The following SHB variants were observed in gnomAD, a reference collection of about 807,000 sequenced individuals.
The protein encoded by SHB is SH2 domain containing adaptor protein B.
In SHB, 20 loss-of-function variants were observed where a neutral mutation model predicts 52.3. That is an observed-to-expected ratio of 0.38 (90% CI 0.27 to 0.56). The LOEUF (loss-of-function observed/expected upper bound fraction) is 0.56, where lower values mean the gene tolerates loss of function less well. Ranked by LOEUF, SHB falls within the 20% of genes least tolerant of loss-of-function variation. SHB has a pLI of 0.71. For synonymous variants in SHB, 397 were observed against 316.5 expected (o/e 1.25, Z -2.70); for missense variants, 825 against 723.3 (o/e 1.14, Z -1.61).
intron 3 of SHB, among the ~76,000 whole-genome samples, chr9:37,959,647 G>A (rs1224404882): frequency 6.6e-6 from 1 of 152,200 alleles, no homozygotes; most frequent in Non-Finnish European, 1.5e-5. Context: ...GAACATGATT[G>A]TGGAGGGAGC....
intron 2 of SHB, among the ~76,000 whole-genome samples, chr9:38,000,650 C>T (rs16934708): frequency 0.43 from 64,691 of 152,194 alleles, 14,113 homozygotes; most frequent in Middle Eastern, 0.5. Context: ...TTGGGAAATG[C>T]AGTGTGATTT....
At chr9:38,028,418 C>G (rs1254271270) in intron 1 of SHB, among the ~76,000 whole-genome samples, 2 of 152,210 alleles carry the variant, frequency 1.3e-5, no homozygotes, top group Non-Finnish European at 2.9e-5. Context: ...CACGGTGTGC[C>G]CATTTCATCA....
At chr9:37,927,765 A>C (rs555812838) in intron 5 of SHB, among the ~76,000 whole-genome samples, 1 of 152,272 alleles carries the variant, frequency 6.6e-6, no homozygotes, top group East Asian at 1.9e-4. Context: ...TGGTGGGTGG[A>C]TCCCGCTGGA....
chr9:38,027,778 G>A (rs1004172982), intron 1 of SHB, among the ~76,000 whole-genome samples: 2 of 151,932 alleles, frequency 1.3e-5, no homozygotes, highest in Non-Finnish European at 2.9e-5. Flanking sequence ...CCATTCCTAT[G>A]TTCTAGAAAA....
intron 1 of SHB, among the ~76,000 whole-genome samples, chr9:38,061,924 C>T (rs1054054365): frequency 1.3e-5 from 2 of 152,218 alleles, no homozygotes. Flanking sequence ...CAACTCTGTG[C>T]TCAGAATTTC....
rs1387178428 is a variant in SHB, at chr9:37,974,711, T to C, written c.965A>G (p.Glu322Gly). The C allele has an allele frequency of 6.2e-7, 1 of 1,614,086 alleles. No individual in the cohort carries two copies. The highest frequency in any genetic ancestry group is 1.1e-5 in the South Asian group (1 of 91,068). Reference sequence around the variant, plus strand: ...GTCGTCATCCTGGGGCAGCTTGCTCTCCCGCAGTCGGGGGCTGACTGTGCT... The same window carrying C: ...GTCGTCATCCTGGGGCAGCTTGCTCCCCCGCAGTCGGGGGCTGACTGTGCT... Reference protein sequence around the residue: ...SESTVSPRLRESKLPQDDDRP... With the variant: ...SESTVSPRLRGSKLPQDDDRP... The change falls in exon 3 of 6, where the codon GAG (glutamate) becomes GGG (glycine). Residue 322 changes from glutamate (E) to glycine (G), a missense_variant. Coordinates refer to ENST00000377707, the MANE Select transcript of SHB (RefSeq NM_003028.3).
At position 38,042,138 on chromosome 9, in the gene SHB, C is replaced by A. The variant is rs187440822; in HGVS notation, c.717+25791G>T. ...GTGGGACTGCCACATCTGTCCTGTG[C>A]CGGGTCACCAAGTATGTTACTTAAA... On this transcript the variant is annotated intron_variant, in intron 1 of 5. Coordinates refer to ENST00000377707, the MANE Select transcript of SHB (RefSeq NM_003028.3). 1.8e-3 allele frequency among the ~76,000 whole-genome samples: 267 copies of A among 152,274 alleles called. 1 individual carries two copies. The highest frequency in any genetic ancestry group is 5.9e-4 in the Non-Finnish European group (40 of 68,028).
At position 38,067,932 on chromosome 9, in the gene SHB, G is replaced by A. The variant is rs1821991878; in HGVS notation, c.714C>T (p.Asp238=). 6.5e-7 allele frequency: 1 copy of A among 1,529,428 alleles called. No individual in the cohort carries two copies. Among genetic ancestry groups the A allele is most frequent in the Non-Finnish European group, 8.7e-7 (1 of 1,148,716 alleles). 94.7% of individuals were successfully genotyped at this position (1,529,428 alleles called of 1,614,324 possible). ...AAEESGAGKK[D]KVTIADDYSD... is the part of the protein sequence containing the mutation. ...AAGAGGCCAAGGGGCACCTTACCTT[G>A]TCCTTCTTGCCGGCCCCGCTCTCCT... The change falls in exon 1 of 6, where the codon GAC becomes GAT. Residue 238 remains aspartate (D), a synonymous_variant. Transcript: ENST00000377707.
intron 2 of SHB, among the ~76,000 whole-genome samples, chr9:38,010,485 C>T (rs575005759): frequency 2.0e-5 from 3 of 152,320 alleles, no homozygotes; most frequent in African/African-American, 7.2e-5. Flanking sequence ...CCATCAAAAG[C>T]CTCATCTCCA....
chr9:38,062,629 G>C (rs574153143), intron 1 of SHB, among the ~76,000 whole-genome samples: 34 of 152,266 alleles, frequency 2.2e-4, no homozygotes, highest in African/African-American at 7.2e-4. Context: ...AAACACGTAA[G>C]AAAGCCTAGC....
intron 3 of SHB, among the ~76,000 whole-genome samples, chr9:37,970,789 C>T (rs2117956630): frequency 6.6e-6 from 1 of 152,022 alleles, no homozygotes; most frequent in South Asian, 2.1e-4. Flanking sequence ...TCAGTTCTAA[C>T]CAAAATTCTT....
At chr9:37,957,777 C>G (rs775825975) in intron 3 of SHB, among the ~76,000 whole-genome samples, 1 of 152,176 alleles carries the variant, frequency 6.6e-6, no homozygotes, top group Non-Finnish European at 1.5e-5. Context: ...TGGCTGGGGA[C>G]AAGTGCCACT....
At chr9:38,064,922 C>A (rs1413763409) in intron 1 of SHB, among the ~76,000 whole-genome samples, 1 of 152,124 alleles carries the variant, frequency 6.6e-6, no homozygotes, top group East Asian at 1.9e-4. Context: ...TTGCTTGAGC[C>A]CAGGAGCCTG....
chr9:37,951,406 T>C (rs1437868507), intron 4 of SHB, among the ~76,000 whole-genome samples: 4 of 152,224 alleles, frequency 2.6e-5, no homozygotes, highest in Non-Finnish European at 4.4e-5. Flanking sequence ...TGTTATGCTT[T>C]AGAAAGGCTA....
intron 1 of SHB, among the ~76,000 whole-genome samples, chr9:38,054,641 C>A (rs987082305): frequency 3.9e-5 from 6 of 152,208 alleles, no homozygotes; most frequent in Admixed American, 2.0e-4. Context: ...TTATAGCCTG[C>A]AGCTTCTCTC....
At chr9:37,979,662 G>GC (rs760950478) in intron 2 of SHB, among the ~76,000 whole-genome samples, 30 of 151,550 alleles carry the variant, frequency 2.0e-4, no homozygotes, top group Non-Finnish European at 2.8e-4. Context: ...AAAAAAACAG[G>GC]CCCCCCCACC....
intron 1 of SHB, among the ~76,000 whole-genome samples, chr9:38,058,114 A>G (rs999984809): frequency 2.0e-5 from 3 of 152,218 alleles, no homozygotes; most frequent in African/African-American, 7.2e-5. Flanking sequence ...CCCTGACTGC[A>G]CACAGCAGAG....
intron 1 of SHB, among the ~76,000 whole-genome samples, chr9:38,049,565 A>G (rs1023554512): frequency 2.7e-5 from 4 of 149,934 alleles, no homozygotes; most frequent in African/African-American, 9.8e-5. Flanking sequence ...GAGCTATCGC[A>G]CCACTGCACT....
intron 5 of SHB, among the ~76,000 whole-genome samples, chr9:37,944,941 C>A (rs1303191198): frequency 7.9e-5 from 12 of 152,336 alleles, no homozygotes; most frequent in East Asian, 7.7e-4. Context: ...CAACAAGACA[C>A]AGGCTGGCCT....
Sources: allele counts gnomAD v4.1 joint callset (sites outside exome capture counted in the v4.1 genomes callset), GRCh38; gene constraint gnomAD v4.1.1; transcripts MANE v1.5; gene names NCBI Gene and HGNC (gene_info 2026-07-23, HGNC 2026-07-21).